The following MROH6 variants were observed in gnomAD, a reference collection of about 807,000 sequenced individuals.
The protein encoded by MROH6 is maestro heat-like repeat-containing protein family member 6.
Under a neutral mutation model 67.7 loss-of-function variants are expected in MROH6, and 62 were observed. The observed-to-expected ratio is 0.92, with a 90% CI of 0.75 to 1.13. The LOEUF (loss-of-function observed/expected upper bound fraction) is 1.13, where lower values mean the gene tolerates loss of function less well. Among genes scored for constraint, MROH6 ranks in the 50% most tolerant of loss-of-function variants. The probability of loss-of-function intolerance (pLI) is 0.00; values close to 1 mark genes in which losing one functional copy is unlikely to be tolerated. For synonymous variants in MROH6, 566 were observed against 470.8 expected, an observed-to-expected ratio of 1.20 and a Z score of -2.62; for missense variants, 1,175 against 1,029.1, an observed-to-expected ratio of 1.14 and a Z score of -1.94.
chr8:143,571,686 G>A lies in MROH6; in HGVS notation c.583C>T (p.Arg195Cys), dbSNP rs371686442. 3.0e-4 allele frequency: 463 copies of A among 1,553,960 alleles called. No individual in the cohort carries two copies. Among genetic ancestry groups the A allele is most frequent in the Non-Finnish European group, 3.6e-4 (410 of 1,149,574 alleles). The change falls in exon 3 of 14, where the codon CGC becomes TGC. Residue 195 changes from arginine to cysteine, a missense_variant. Coordinates refer to ENST00000398882, the MANE Select transcript of MROH6 (RefSeq NM_001100878.2). ...ARDVVCALLP[R>C]SLPADRVAAE... is the part of the protein sequence containing the mutation. ...GGTTACCGATCGGCGGGCAGAGAGC[G>A]GGGTAGCAGCGCACACACCACGTCC...
Position 143,567,134 on chromosome 8 carries a change from G to A in MROH6, c.*105C>T, listed in dbSNP as rs1350359465. 3.2e-5 allele frequency: 18 copies of A among 558,360 alleles called. No individual in the cohort carries two copies. The highest frequency in any genetic ancestry group is 9.8e-5 in the African/African-American group (5 of 50,780). The allele number at this position is 558,360 out of a possible 1,614,324, so 34.6% of individuals were successfully genotyped here. A position where few individuals can be genotyped will look rare whatever the true frequency, so the allele number is the denominator to read the frequency against. On this transcript the variant is annotated 3_prime_UTR_variant, in exon 14 of 14. Transcript: ENST00000398882. The stretch of plus-strand genomic sequence containing the variant: ...GTGGGGGGTGGGGGAGGGCATTGGC[G>A]TCCAGCACCAGGCCCAGGGAGCCCC...
Position 143,572,126 on chromosome 8 carries a change from G to C in MROH6, c.354C>G (p.Ala118=). 3 of 1,613,086 alleles carry C rather than the reference G, an allele frequency of 1.9e-6. No individual in the cohort carries two copies. The highest frequency in any genetic ancestry group is 1.7e-6 in the Non-Finnish European group (2 of 1,179,878). ...VLADLALYTA[A]CLEEAGFAGT... ...CTGCAAAGCCAGCCTCCTCCAGGCA[G>C]GCAGCCGTGTACAACGCGAGGTCGG... is the stretch of plus-strand genomic sequence containing the variant. Residue 118 remains alanine, a synonymous_variant, in exon 2 of 14, where the codon GCC becomes GCG. Transcript: ENST00000398882.
At chr8:143,572,264 G>A in intron 1 of MROH6, 79 bp from the exon 2 acceptor site, 2 of 1,566,964 alleles carry the variant, frequency 1.3e-6, no homozygotes, top group Non-Finnish European at 8.7e-7. Flanking sequence ...CTCCCACCTG[G>A]CTTCCTACAA....
Position 143,567,148 on chromosome 8 carries a change from C to T in MROH6, c.*91G>A. On this transcript the variant is annotated 3_prime_UTR_variant, in exon 14 of 14. Coordinates refer to ENST00000398882, the MANE Select transcript of MROH6 (RefSeq NM_001100878.2). ...AGGGCATTGGCGTCCAGCACCAGGC[C>T]CAGGGAGCCCCTCCGTCAGGGCGGG... is the stretch of plus-strand genomic sequence containing the variant. The T allele has an allele frequency of 4.3e-6, 3 of 698,352 alleles. No homozygotes were observed. The highest frequency in any genetic ancestry group is 5.9e-6 in the Non-Finnish European group (3 of 509,524). The allele number at this position is 698,352 out of a possible 1,614,324, so 43.3% of individuals were successfully genotyped here.
At chr8:143,568,816 G>T in intron 9 of MROH6, 97 bp from the exon 10 acceptor site, 1 of 956,192 alleles carries the variant, frequency 1.0e-6, no homozygotes, top group Non-Finnish European at 1.5e-6. Flanking sequence ...GGCGGGTCTA[G>T]GGAAGGCTGC....
rs1193945091 is a variant in MROH6, at chr8:143,566,327, TC to T, written c.*911del. 3 of 152,210 alleles carry T rather than the reference TC, an allele frequency of 2.0e-5. No homozygotes were observed. Among genetic ancestry groups the T allele is most frequent in the Non-Finnish European group, 4.4e-5 (3 of 68,036 alleles). The allele number at this position is 152,210 out of a possible 1,614,324, so 9.4% of individuals were successfully genotyped here. On this transcript the variant is annotated 3_prime_UTR_variant, in exon 14 of 14. Coordinates refer to ENST00000398882, the MANE Select transcript of MROH6 (RefSeq NM_001100878.2). ...CAGCCCTTCACAAGGCTGCACACAC[TC>T]CCTGTGCACTCGCAGAGGCTTCTCT...
Position 143,568,716 on chromosome 8 carries a change from G to A in MROH6, c.1480C>T (p.Arg494Trp). 2 of 1,486,010 alleles carry A rather than the reference G, an allele frequency of 1.3e-6. No individual in the cohort carries two copies. The highest frequency in any genetic ancestry group is 2.5e-5 in the East Asian group (1 of 39,668). The allele number at this position is 1,486,010 out of a possible 1,614,324, so 92.1% of individuals were successfully genotyped here. ...PRLPPLLDDT[R>W]DSIRASAVGL... Reference sequence around the variant, plus strand: ...ACGGCCGAGGCGCGGATTGAGTCCCGTGTCTGCGTGGGAGGGCGCAGTCAG... The same window carrying A: ...ACGGCCGAGGCGCGGATTGAGTCCCATGTCTGCGTGGGAGGGCGCAGTCAG... The change falls in exon 10 of 14, where the codon CGG (arginine) becomes TGG (tryptophan). Residue 494 changes from arginine (R) to tryptophan (W), a missense_variant. Coordinates refer to ENST00000398882, the MANE Select transcript of MROH6 (RefSeq NM_001100878.2).
rs762435778 is a variant in MROH6 at position 143,570,334 on chromosome 8, G to A, written c.952C>T (p.Arg318Cys). 3.2e-5 allele frequency: 51 copies of A among 1,610,406 alleles called. No individual in the cohort carries two copies. In the Middle Eastern group the frequency reaches 1.2e-3, roughly 36 times the overall value. Residue 318 changes from arginine (R) to cysteine (C), a missense_variant, in exon 6 of 14, where the codon CGC (arginine) becomes TGC (cysteine). Arg to Cys is a radical substitution (Grantham distance 180, BLOSUM62 -3). Transcript: ENST00000398882. ...LKALLTGDGG[R>C]MVVTCMEQAG... Reference sequence around the variant, plus strand: ...TGCTCCATGCACGTGACCACCATGCGGCCTCCATCCCCGGTGAGCAGCGCC... The same window carrying A: ...TGCTCCATGCACGTGACCACCATGCAGCCTCCATCCCCGGTGAGCAGCGCC...
At chr8:143,569,138 G>A (rs1226548347) in intron 9 of MROH6, among the ~76,000 whole-genome samples, 18 of 26,124 alleles carry the variant, frequency 6.9e-4, no homozygotes, top group African/African-American at 2.1e-3. Context: ...CTGACAGACT[G>A]GGGGGCGGGG....
intron 1 of MROH6, 63 bp from the exon 2 acceptor site, chr8:143,572,248 C>T: frequency 1.2e-5 from 19 of 1,583,084 alleles, no homozygotes; most frequent in Non-Finnish European, 1.6e-5. Context: ...CTCCTGGTCC[C>T]TCGGCCTCCC....
Position 143,569,857 on chromosome 8 carries a change from GGGTCAGCACGCCCGC to G in MROH6, c.1159-32_1159-18del, listed in dbSNP as rs1335845667. 6.2e-7 allele frequency: 1 copy of G among 1,610,110 alleles called. No individual in the cohort carries two copies. The highest frequency in any genetic ancestry group is 1.7e-5 in the Admixed American group (1 of 59,498). Reference sequence around the variant, plus strand: ...CTGCAACAGCTAGGCGAGGCACATGGGGTCAGCACGCCCGCGGTCCCCGTGCAGGCCGCTGCGATT... The same window carrying G: ...CTGCAACAGCTAGGCGAGGCACATGGGGTCCCCGTGCAGGCCGCTGCGATT... On this transcript the variant is annotated intron_variant, in intron 7 of 13. Transcript: ENST00000398882.
rs376408316 is a variant in MROH6 at position 143,572,493 on chromosome 8, G to C, written c.222C>G (p.Thr74=). ...AGGGCTCGCTGCCAGCTTCAGGGAC[G>C]GTGGCCCCACGTCCAGGCTCTGCCT... ...PSEAEPGRGA[T]VPEAGSEPCS... is the part of the protein sequence containing the mutation. The change falls in exon 1 of 14, where the codon ACC becomes ACG. Residue 74 remains threonine (T), a synonymous_variant. Coordinates refer to ENST00000398882, the MANE Select transcript of MROH6 (RefSeq NM_001100878.2). 18 of 1,604,200 alleles carry C rather than the reference G, an allele frequency of 1.1e-5. No individual in the cohort carries two copies. The highest frequency in any genetic ancestry group is 1.5e-5 in the Non-Finnish European group (18 of 1,177,174).
chr8:143,568,269 A>G lies in MROH6; in HGVS notation c.1645-8T>C, dbSNP rs1437284612. On this transcript the variant is annotated splice_region_variant and splice_polypyrimidine_tract_variant and intron_variant, in intron 10 of 13. Coordinates refer to ENST00000398882, the MANE Select transcript of MROH6 (RefSeq NM_001100878.2). ...CAGGGTCCACTCTGAGCTCTGGGAT[A>G]GGGGAAGTGAGCCGGGTCAGGGGTC... 2 of 1,603,288 alleles carry G rather than the reference A, an allele frequency of 1.2e-6. No homozygotes were observed. The highest frequency in any genetic ancestry group is 8.5e-7 in the Non-Finnish European group (1 of 1,175,216).
In MROH6 at chr8:143,572,016, A is replaced by G. The variant is rs752558058; in HGVS notation, c.447+17T>C. The G allele has an allele frequency of 3.1e-6, 5 of 1,605,912 alleles. No homozygotes were observed. Among genetic ancestry groups the G allele is most frequent in the Non-Finnish European group, 4.3e-6 (5 of 1,176,088 alleles). On this transcript the variant is annotated intron_variant, in intron 2 of 13. Coordinates refer to ENST00000398882, the MANE Select transcript of MROH6 (RefSeq NM_001100878.2). Reference sequence around the variant, plus strand: ...ACCGGCAGGATTCTGTAGGGCATGAAGTGGGTGAAGGCTGACCTGGTCCTC... The same window carrying G: ...ACCGGCAGGATTCTGTAGGGCATGAGGTGGGTGAAGGCTGACCTGGTCCTC...
At position 143,567,307 on chromosome 8, in the gene MROH6, C is replaced by T. The variant is rs941425641; in HGVS notation, c.2092G>A (p.Ala698Thr). ...PRPARPPPVF[A>T]DSPFQRRSVA... ...CTCCGGCGCTGGAAGGGGCTGTCGGCGAAGACTGGTGGGGGCCGGGCGGGG... is the reference window on the plus strand; with the variant it reads ...CTCCGGCGCTGGAAGGGGCTGTCGGTGAAGACTGGTGGGGGCCGGGCGGGG... Residue 698 changes from alanine (A) to threonine (T), a missense_variant, in exon 14 of 14, where the codon GCC becomes ACC. Transcript: ENST00000398882. The T allele has an allele frequency of 9.8e-6, 12 of 1,220,938 alleles. No individual in the cohort carries two copies. Among genetic ancestry groups the T allele is most frequent in the East Asian group, 9.7e-5 (3 of 30,816 alleles). 75.6% of individuals were successfully genotyped at this position (1,220,938 alleles called of 1,614,324 possible). A position where few individuals can be genotyped will look rare whatever the true frequency, so the allele number is the denominator to read the frequency against.
At position 143,569,827 on chromosome 8, in the gene MROH6, C is replaced by A. The variant is rs763730197; in HGVS notation, c.1172G>T (p.Arg391Leu). ...MAFFTGLLQS[R>L]PTARLLREEV... is the part of the protein sequence containing the mutation. ...CTCCCGCAGGAGCCGTGCGGTGGGC[C>A]GGCTCTGCAACAGCTAGGCGAGGCA... Residue 391 changes from arginine to leucine, a missense_variant, in exon 8 of 14, where the codon CGG becomes CTG. Physicochemically the swap from Arg to Leu is moderately radical, Grantham distance 102. Transcript: ENST00000398882. The A allele has an allele frequency of 4.3e-6, 7 of 1,610,868 alleles. No homozygotes were observed. Among genetic ancestry groups the A allele is most frequent in the Middle Eastern group, 1.6e-4 (1 of 6,082 alleles).
At chr8:143,570,141 C>T in intron 6 of MROH6, 76 bp from the exon 7 acceptor site, 1 of 1,565,868 alleles carries the variant, frequency 6.4e-7, no homozygotes, top group Non-Finnish European at 8.6e-7. Context: ...CCCAACACCA[C>T]CCTCATGCCC....
In MROH6 at chr8:143,572,138, C is replaced by T. The variant is rs1266308258; in HGVS notation, c.342G>A (p.Leu114=). The change falls in exon 2 of 14, where the codon TTG becomes TTA. Residue 114 remains leucine (L), a synonymous_variant. Transcript: ENST00000398882. Reference sequence around the variant, plus strand: ...CCTCCTCCAGGCAGGCAGCCGTGTACAACGCGAGGTCGGCAAGAACTCCCT... The same window carrying T: ...CCTCCTCCAGGCAGGCAGCCGTGTATAACGCGAGGTCGGCAAGAACTCCCT... ...WEEGVLADLA[L]YTAACLEEAG... is the part of the protein sequence containing the mutation. The T allele has an allele frequency of 6.2e-6, 10 of 1,612,968 alleles. No homozygotes were observed. The highest frequency in any genetic ancestry group is 1.7e-5 in the Admixed American group (1 of 59,998).
At position 143,568,680 on chromosome 8, in the gene MROH6, C is replaced by T. The variant is rs1380938773; in HGVS notation, c.1516G>A (p.Gly506Arg). Residue 506 changes from glycine (G) to arginine (R), a missense_variant, in exon 10 of 14, where the codon GGG becomes AGG. Coordinates refer to ENST00000398882, the MANE Select transcript of MROH6 (RefSeq NM_001100878.2). ...SIRASAVGLL[G>R]TLVRRGRGGL... is the part of the protein sequence containing the mutation. ...CCCCGGCCCCGGCGCACCAGAGTCC[C>T]AAGGAGCCCGACGGCCGAGGCGCGG... 3.9e-6 allele frequency: 6 copies of T among 1,520,174 alleles called. No homozygotes were observed. The East Asian group carries it at 1.2e-4, about 31-fold the overall frequency. 94.2% of individuals were successfully genotyped at this position (1,520,174 alleles called of 1,614,324 possible). A position where few individuals can be genotyped will look rare whatever the true frequency, so the allele number is the denominator to read the frequency against.
Sources: gnomAD v4.1 joint callset for allele counts (sites outside exome capture counted in the v4.1 genomes callset) on GRCh38, gnomAD v4.1.1 for gene constraint, MANE v1.5 for transcripts, NCBI Gene and HGNC (gene_info 2026-07-23, HGNC 2026-07-21) for gene names.